CRYL1: variants seen among roughly 807,000 people sequenced by gnomAD.
The protein encoded by CRYL1 is crystallin lambda 1.
CRYL1 carries 29 observed loss-of-function variants against 36.6 expected under a neutral mutation model. The ratio of observed to expected loss-of-function variants is 0.79; its 90% CI spans 0.59 to 1.08. The LOEUF is 1.08. CRYL1 is among the 50% of genes least tolerant of loss of function. The probability of loss-of-function intolerance (pLI) is 0.00; values close to 1 mark genes in which losing one functional copy is unlikely to be tolerated. For synonymous variants in CRYL1, 152 were observed against 151.5 expected (o/e 1.00, Z -0.02); for missense variants, 411 against 407.9 (o/e 1.01, Z -0.06).
chr13:20,480,999 C>G (rs900946801), intron 3 of CRYL1, among the ~76,000 whole-genome samples: 1 of 152,038 alleles, frequency 6.6e-6, no homozygotes, highest in Non-Finnish European at 1.5e-5. Flanking sequence ...AAAAGCCAAG[C>G]AAATAAATAA....
intron 3 of CRYL1, among the ~76,000 whole-genome samples, chr13:20,471,437 C>T (rs2033056664): frequency 6.6e-6 from 1 of 151,976 alleles, no homozygotes; most frequent in Admixed American, 6.6e-5. Context: ...TAACCCATCT[C>T]TACTAAAAAT....
At chr13:20,504,972 T>C (rs1353839857) in intron 2 of CRYL1, among the ~76,000 whole-genome samples, 1 of 152,194 alleles carries the variant, frequency 6.6e-6, no homozygotes, top group East Asian at 1.9e-4. Flanking sequence ...ATACCATTAG[T>C]TTTTAATAGG....
intron 5 of CRYL1, chr13:20,430,108 TCCCAC>T: frequency 1.3e-6 from 1 of 765,536 alleles, no homozygotes; most frequent in Non-Finnish European, 1.6e-6. Flanking sequence ...GTAGTGCCAT[TCCCAC>T]CCCACCCCTG....
At chr13:20,497,588 GCACCACACA>G (rs2033633870) in intron 2 of CRYL1, among the ~76,000 whole-genome samples, 1 of 130,504 alleles carries the variant, frequency 7.7e-6, no homozygotes, top group Admixed American at 7.7e-5. Context: ...CCATATATAT[GCACCACACA>G]CACCACACAC....
At chr13:20,511,355 G>A (rs190525333) in intron 2 of CRYL1, among the ~76,000 whole-genome samples, 2 of 152,096 alleles carry the variant, frequency 1.3e-5, no homozygotes, top group East Asian at 3.9e-4. Context: ...GCCTCCCAAA[G>A]TGCTGGGATT....
At chr13:20,496,440 C>T (rs1455415342) in intron 2 of CRYL1, among the ~76,000 whole-genome samples, 1 of 152,166 alleles carries the variant, frequency 6.6e-6, no homozygotes, top group Non-Finnish European at 1.5e-5. Context: ...ATAACAAGCT[C>T]ATAGATTTTA....
intron 5 of CRYL1, among the ~76,000 whole-genome samples, chr13:20,420,181 A>G (rs76524488): frequency 1.3e-5 from 2 of 152,358 alleles, no homozygotes; most frequent in East Asian, 3.9e-4. Context: ...GAGGACACTG[A>G]ATCACACCCA....
rs1169569671 is a variant in CRYL1, at chr13:20,413,363, G to C, written c.658C>G (p.Leu220Val). ...VEEGIVSPSD[L>V]DLVMSEGLGM... is the part of the protein sequence containing the mutation. The stretch of plus-strand genomic sequence containing the variant: ...AACCCTTCTGACATGACAAGGTCCA[G>C]GTCACTAGGAGACACGATTCCTTCC... Residue 220 changes from leucine to valine, a missense_variant, in exon 6 of 8, where the codon CTG becomes GTG. Physicochemically the swap from Leu to Val is conservative, Grantham distance 32 (BLOSUM62 1). Coordinates refer to ENST00000298248, the MANE Select transcript of CRYL1 (RefSeq NM_015974.3). 1 of 1,613,404 alleles carries C rather than the reference G, an allele frequency of 6.2e-7. No individual in the cohort carries two copies. Among genetic ancestry groups the C allele is most frequent in the South Asian group, 1.1e-5 (1 of 91,044 alleles).
Position 20,512,537 on chromosome 13 carries a change from G to T in CRYL1, c.55C>A (p.Arg19=). ...CTGGCAAACAGCATGGCCCAGCTTCGCCCAATGACTCCACTGAAGGGAGAT... is the reference window on the plus strand; with the variant it reads ...CTGGCAAACAGCATGGCCCAGCTTCTCCCAATGACTCCACTGAAGGGAGAT... ...VVIVGSGVIG[R]SWAMLFASGG... Residue 19 remains arginine, a synonymous_variant, in exon 2 of 8, where the codon CGA becomes AGA. Transcript: ENST00000298248. 1.9e-6 allele frequency: 3 copies of T among 1,613,240 alleles called. No homozygotes were observed. Among genetic ancestry groups the T allele is most frequent in the Non-Finnish European group, 2.5e-6 (3 of 1,179,348 alleles).
rs868429848 is a variant in CRYL1, at chr13:20,509,127, G to A, written c.149+3316C>T. 9.3e-5 allele frequency among the ~76,000 whole-genome samples: 14 copies of A among 150,650 alleles called. No homozygotes were observed. The Middle Eastern group carries it at 0.014, about 147-fold the overall frequency. On this transcript the variant is annotated intron_variant, in intron 2 of 7. Transcript: ENST00000298248. Reference sequence around the variant, plus strand: ...GCGAATTGCTTGAACCCAGGAGGCAGAGGTTGCAGTGAGCCAAGATCGCGC... The same window carrying A: ...GCGAATTGCTTGAACCCAGGAGGCAAAGGTTGCAGTGAGCCAAGATCGCGC...
chr13:20,439,529 A>AAAAAAAAAAAAAAAAAAC, intron 4 of CRYL1, 64 bp downstream of exon 4: 1 of 842,828 alleles, frequency 1.2e-6, no homozygotes, highest in African/African-American at 1.9e-5. Context: ...AAAAAAAAAA[A>AAAAAAAAAAAAAAAAAAC]AGAAAAAAAA....
chr13:20,522,499 A>T (rs1258562845), intron 1 of CRYL1, among the ~76,000 whole-genome samples: 1 of 152,238 alleles, frequency 6.6e-6, no homozygotes, highest in Non-Finnish European at 1.5e-5. Flanking sequence ...CAAGCCCTTC[A>T]TAGGGCACAT....
At chr13:20,448,889 T>C (rs1281037838) in intron 3 of CRYL1, among the ~76,000 whole-genome samples, 1 of 152,146 alleles carries the variant, frequency 6.6e-6, no homozygotes, top group Non-Finnish European at 1.5e-5. Context: ...AAGAATACAC[T>C]GGGCGTGGTG....
chr13:20,489,347 C>T (rs556215440), intron 3 of CRYL1, 23 bp downstream of exon 3: 37 of 1,611,150 alleles, frequency 2.3e-5, no homozygotes, highest in Middle Eastern at 1.7e-4. Flanking sequence ...CCCACAGATG[C>T]GGCGCCAGTG....
intron 3 of CRYL1, among the ~76,000 whole-genome samples, chr13:20,473,995 G>A (rs1565976400): frequency 6.6e-6 from 1 of 152,042 alleles, no homozygotes; most frequent in Non-Finnish European, 1.5e-5. Flanking sequence ...GACAGGCATC[G>A]GCTTCCATTT....
intron 4 of CRYL1, among the ~76,000 whole-genome samples, chr13:20,432,503 T>TA (rs750729099): frequency 5.7e-4 from 87 of 151,450 alleles, no homozygotes; most frequent in Middle Eastern, 6.8e-3. Context: ...TGGTTTTGTT[T>TA]AAAAAAAAAT....
chr13:20,462,761 G>C (rs575641913), intron 3 of CRYL1, among the ~76,000 whole-genome samples: 72 of 151,850 alleles, frequency 4.7e-4, no homozygotes, highest in African/African-American at 1.7e-3. Context: ...ATACGATGCA[G>C]GTTTTCCAAT....
chr13:20,461,361 A>G (rs2032814441), intron 3 of CRYL1, among the ~76,000 whole-genome samples: 1 of 152,150 alleles, frequency 6.6e-6, no homozygotes, highest in South Asian at 2.1e-4. Context: ...AGGTCCTCCT[A>G]CTTCCATGTT....
At chr13:20,520,757 T>C (rs1204328091) in intron 1 of CRYL1, among the ~76,000 whole-genome samples, 1 of 152,118 alleles carries the variant, frequency 6.6e-6, no homozygotes. Context: ...GAGCACCCTA[T>C]AACATCTGCA....
Sources: gnomAD v4.1 joint callset for allele counts (sites outside exome capture counted in the v4.1 genomes callset) on GRCh38, gnomAD v4.1.1 for gene constraint, MANE v1.5 for transcripts, NCBI Gene and HGNC (gene_info 2026-07-23, HGNC 2026-07-21) for gene names.